Variants in CELF2 observed in about 807,000 individuals in gnomAD.
The protein encoded by CELF2 is CUG triplet repeat RNA-binding protein 2.
Under a neutral mutation model 62.6 loss-of-function variants are expected in CELF2, and 8 were observed. The ratio of observed to expected loss-of-function variants is 0.13; its 90% CI spans 0.07 to 0.23. CELF2 has a LOEUF of 0.23. Among genes scored for constraint, CELF2 ranks in the 10% least tolerant of loss-of-function variants. CELF2 has a pLI of 1.00. For missense variants in CELF2, 333 were observed against 671.0 expected (o/e 0.50, Z 5.56); for synonymous variants, 258 against 250.0 (o/e 1.03, Z -0.30).
chr10:11,008,614 G>A lies in CELF2; in HGVS notation c.53+3174G>A, dbSNP rs2055762228. ...AGGGGGGTTAATTAGGTGAAAATGT[G>A]GCTGATAAAAAGTTCATTGAGCACA... On this transcript the variant is annotated intron_variant, in intron 1 of 12. Transcript: ENST00000416382. The surrounding 1 kb of genome is among the most constrained non-coding windows in gnomAD (Gnocchi z 4.5). Among the ~76,000 whole-genome samples, 1 of 152,118 alleles carries A rather than the reference G, an allele frequency of 6.6e-6. No homozygotes were observed. The highest frequency in any genetic ancestry group is 1.5e-5 in the Non-Finnish European group (1 of 68,010).
At chr10:10,927,352 A>AAAAAAACAAAAAAC (rs200453731) in intron 2 of CELF2, 1 of 88,938 alleles carries the variant, frequency 1.1e-5, no homozygotes, top group African/African-American at 4.7e-5. Flanking sequence ...ACATTAAAAA[A>AAAAAAACAAAAAAC]AAAAAAAAAA....
rs993138512 is a variant in CELF2 at position 10,904,228 on chromosome 10, A to T, written c.54-15736A>T. On this transcript the variant is annotated intron_variant, in intron 1 of 13. Coordinates refer to the CELF2 transcript ENST00000636488. ...TGCCTTGTAATTCTATCCATTTTTA[A>T]TTTTTTTTTTTGTTTAGAGACAGGG... Among the ~76,000 whole-genome samples, 4 of 148,378 alleles carry T rather than the reference A, an allele frequency of 2.7e-5. No individual in the cohort carries two copies. In the South Asian group the frequency reaches 8.6e-4, roughly 32 times the overall value.
the CELF2 span, among the ~76,000 whole-genome samples, chr10:10,545,794 G>A: frequency 7.9e-5 from 12 of 152,182 alleles, no homozygotes; most frequent in Admixed American, 2.6e-4. Context: ...TAGGGTGATC[G>A]AGGGAGCAAA....
At chr10:10,550,755 A>G in the CELF2 span, among the ~76,000 whole-genome samples, 8 of 151,596 alleles carry the variant, frequency 5.3e-5, no homozygotes, top group African/African-American at 7.3e-5. Context: ...CTGGAGTGCA[A>G]TGGCACCATC....
At chr10:10,959,157 T>C (rs2049213666) in intron 2 of CELF2, among the ~76,000 whole-genome samples, 2 of 152,106 alleles carry the variant, frequency 1.3e-5, no homozygotes, top group African/African-American at 4.8e-5. Flanking sequence ...TGGTGGTAGC[T>C]GTAGTCTTAG....
In CELF2 at chr10:11,011,150, C is replaced by A. The variant is rs1048552766; in HGVS notation, c.53+5710C>A. 2.0e-5 allele frequency: 3 copies of A among 151,838 alleles called. No individual in the cohort carries two copies. Among genetic ancestry groups the A allele is most frequent in the African/African-American group, 7.3e-5 (3 of 41,284 alleles). 9.4% of individuals were successfully genotyped at this position (151,838 alleles called of 1,614,324 possible). A position where few individuals can be genotyped will look rare whatever the true frequency, so the allele number is the denominator to read the frequency against. On this transcript the variant is annotated intron_variant, in intron 1 of 12. Coordinates refer to the CELF2 transcript ENST00000416382. This position sits in a 1 kb window ranked among gnomAD's most constrained non-coding sequence, Gnocchi z 4.6. ...TAATGGGAACAGATGTTGGAAGGAACAATAGACAATTTTAAAGCATTATGA... is the reference window on the plus strand; with the variant it reads ...TAATGGGAACAGATGTTGGAAGGAAAAATAGACAATTTTAAAGCATTATGA...
At chr10:10,811,405 T>G (rs2055871340) in intron 1 of CELF2, among the ~76,000 whole-genome samples, 1 of 152,052 alleles carries the variant, frequency 6.6e-6, no homozygotes. Context: ...ATTGCAAATG[T>G]GGGCAATGTG....
At chr10:10,725,086 ACTTTAG>A in the CELF2 span, among the ~76,000 whole-genome samples, 1 of 152,188 alleles carries the variant, frequency 6.6e-6, no homozygotes, top group Non-Finnish European at 1.5e-5. Context: ...TTTGGGGTTT[ACTTTAG>A]CTTTTTACCA....
the CELF2 span, among the ~76,000 whole-genome samples, chr10:10,597,785 T>C: frequency 6.6e-6 from 1 of 152,206 alleles, no homozygotes; most frequent in African/African-American, 2.4e-5. Context: ...CTTTTTCAAG[T>C]GCTTTTTCTA....
the CELF2 span, among the ~76,000 whole-genome samples, chr10:10,534,214 T>TAAAAAAAAA: frequency 1.5e-5 from 2 of 134,318 alleles, no homozygotes; most frequent in African/African-American, 2.8e-5. Context: ...GAGGAGTTGT[T>TAAAAAAAAA]AAAAAAAAAA....
At chr10:10,515,233 A>G in the CELF2 span, among the ~76,000 whole-genome samples, 1 of 152,232 alleles carries the variant, frequency 6.6e-6, no homozygotes, top group East Asian at 1.9e-4. Context: ...CCAAGCTCTC[A>G]CAATCAATTC....
chr10:11,179,704 C>T (rs2072603358), intron 2 of CELF2, among the ~76,000 whole-genome samples: 2 of 152,060 alleles, frequency 1.3e-5, no homozygotes, highest in East Asian at 1.9e-4. Context: ...TATGTGTGTG[C>T]GTGTGCCTGT....
chr10:10,989,326 A>T (rs1020056344), intron 2 of CELF2, among the ~76,000 whole-genome samples: 1 of 152,150 alleles, frequency 6.6e-6, no homozygotes, highest in East Asian at 1.9e-4. Flanking sequence ...GCTATACCAG[A>T]TGTTAGAAAG....
At chr10:10,538,240 C>T in the CELF2 span, among the ~76,000 whole-genome samples, 1 of 151,030 alleles carries the variant, frequency 6.6e-6, no homozygotes, top group Admixed American at 6.6e-5. Flanking sequence ...CAATGACCGC[C>T]CCCATGTCTC....
intron 2 of CELF2, among the ~76,000 whole-genome samples, chr10:10,985,776 C>T (rs1446080843): frequency 2.0e-5 from 3 of 152,316 alleles, no homozygotes; most frequent in South Asian, 2.1e-4. Flanking sequence ...TTCTTCTTCT[C>T]GCTAAAGACC....
At chr10:10,754,319 T>A in the CELF2 span, among the ~76,000 whole-genome samples, 1 of 151,940 alleles carries the variant, frequency 6.6e-6, no homozygotes, top group African/African-American at 2.4e-5. Flanking sequence ...CAATATTTTT[T>A]TATTTTATTT....
At chr10:10,630,267 G>A in the CELF2 span, among the ~76,000 whole-genome samples, 4 of 152,318 alleles carry the variant, frequency 2.6e-5, no homozygotes, top group East Asian at 1.9e-4. Context: ...AAGCACCAGA[G>A]CTACTTTCTG....
At chr10:10,991,464 G>A (rs2053435340) in intron 2 of CELF2, among the ~76,000 whole-genome samples, 1 of 152,144 alleles carries the variant, frequency 6.6e-6, no homozygotes, top group Non-Finnish European at 1.5e-5. Flanking sequence ...GCTAAGAGTT[G>A]GGAGAGCTTC....
intron 1 of CELF2, among the ~76,000 whole-genome samples, chr10:11,161,212 G>C (rs758183691): frequency 4.6e-5 from 7 of 152,186 alleles, no homozygotes; most frequent in Non-Finnish European, 8.8e-5. Context: ...CTGACACTGA[G>C]AATACTATTG....
Sources: gnomAD v4.1 joint callset for allele counts (sites outside exome capture counted in the v4.1 genomes callset) on GRCh38, gnomAD v4.1.1 for gene constraint, Gnocchi (gnomAD v3.1) non-coding constraint, MANE v1.5 for transcripts, NCBI Gene and HGNC (gene_info 2026-07-23, HGNC 2026-07-21) for gene names.